Variants in SDK1 observed in about 807,000 individuals in gnomAD.
SDK1 encodes the protein sidekick cell adhesion molecule 1, also known as protein sidekick-1.
In SDK1, 157 loss-of-function variants were observed where a neutral mutation model predicts 245.5. The observed-to-expected ratio is 0.64, with a 90% CI of 0.56 to 0.73. The LOEUF (loss-of-function observed/expected upper bound fraction) is 0.73. Among genes scored for constraint, SDK1 ranks in the 30% least tolerant of loss-of-function variants. SDK1 has a pLI of 0.00. For synonymous variants in SDK1, 1,647 were observed against 1,278.5 expected, an observed-to-expected ratio of 1.29 and a Z score of -6.15; for missense variants, 3,583 against 3,002.3, an observed-to-expected ratio of 1.19 and a Z score of -4.52.
chr7:3,382,190 C>G (rs576417712), intron 1 of SDK1, among the ~76,000 whole-genome samples: 49 of 151,782 alleles, frequency 3.2e-4, no homozygotes, highest in Middle Eastern at 3.4e-3. Context: ...AGGCTGGTCT[C>G]CAACTCCTGG....
At position 4,267,500 on chromosome 7, in the gene SDK1, C is replaced by T. The variant is rs1562499054; in HGVS notation, c.*2116C>T. On this transcript the variant is annotated 3_prime_UTR_variant, in exon 45 of 45. Transcript: ENST00000404826. ...CAGTGCCACCTCCTTCCCCTCGGCC[C>T]CGGAGAGGGCGAAGTGGGCGGGAAG... is the stretch of plus-strand genomic sequence containing the variant. The T allele has an allele frequency of 4.1e-6, 4 of 985,436 alleles. No individual in the cohort carries two copies. The South Asian group carries it at 1.4e-4, about 35-fold the overall frequency. 61.0% of individuals were successfully genotyped at this position (985,436 alleles called of 1,614,324 possible).
chr7:4,234,313 G>A (rs1189244213), intron 41 of SDK1, among the ~76,000 whole-genome samples: 1 of 152,108 alleles, frequency 6.6e-6, no homozygotes, highest in African/African-American at 2.4e-5. Flanking sequence ...CCTGGGTCCA[G>A]GTCCAGGTCT....
chr7:4,207,976 C>T (rs1784318270), intron 36 of SDK1, 123 bp from the exon 37 acceptor site: 1 of 726,002 alleles, frequency 1.4e-6, no homozygotes, highest in Non-Finnish European at 2.3e-6. Flanking sequence ...TTTCCACCTT[C>T]CCACCCAGCA....
chr7:4,041,109 A>C (rs919034861), intron 17 of SDK1, among the ~76,000 whole-genome samples: 1 of 152,146 alleles, frequency 6.6e-6, no homozygotes. Flanking sequence ...CAGACAAACA[A>C]ATTCACAGAT....
intron 1 of SDK1, among the ~76,000 whole-genome samples, chr7:3,445,634 A>C (rs922670181): frequency 2.0e-5 from 3 of 152,166 alleles, no homozygotes; most frequent in Admixed American, 1.3e-4. Context: ...GAAAACTGAC[A>C]TTGGTACAAT....
At chr7:3,825,075 G>A (rs1779737133) in intron 5 of SDK1, among the ~76,000 whole-genome samples, 1 of 152,076 alleles carries the variant, frequency 6.6e-6, no homozygotes, top group African/African-American at 2.4e-5. Context: ...GGACATAGGT[G>A]GGACTGTTGA....
chr7:3,815,426 G>A (rs1232967603), intron 4 of SDK1, among the ~76,000 whole-genome samples: 1 of 147,120 alleles, frequency 6.8e-6, no homozygotes. Context: ...TTATTGATTT[G>A]CGTATATTGA....
intron 5 of SDK1, among the ~76,000 whole-genome samples, chr7:3,950,196 T>C (rs900318471): frequency 6.6e-6 from 1 of 152,226 alleles, no homozygotes; most frequent in African/African-American, 2.4e-5. Flanking sequence ...GGATTGTGCC[T>C]GAGGACACTG....
At chr7:3,550,565 T>G (rs1779369175) in intron 1 of SDK1, among the ~76,000 whole-genome samples, 2 of 152,204 alleles carry the variant, frequency 1.3e-5, no homozygotes, top group Non-Finnish European at 2.9e-5. Context: ...TTTGCCTATT[T>G]ATCATATCTT....
At chr7:3,830,367 A>G (rs77573444) in intron 5 of SDK1, among the ~76,000 whole-genome samples, 2,470 of 152,290 alleles carry the variant, frequency 0.016, 76 homozygotes, top group African/African-American at 0.055. Context: ...AATTCCTCCA[A>G]TCTACCTTCC....
intron 5 of SDK1, among the ~76,000 whole-genome samples, chr7:3,929,846 G>A (rs1303567064): frequency 6.6e-6 from 1 of 152,172 alleles, no homozygotes; most frequent in Non-Finnish European, 1.5e-5. Flanking sequence ...AAGGAAGCTG[G>A]CTCACAGTCA....
rs573819222 is a variant in SDK1, at chr7:4,088,393, A to G, written c.3324+8809A>G. Among the ~76,000 whole-genome samples, 9 of 152,308 alleles carry G rather than the reference A, an allele frequency of 5.9e-5. No homozygotes were observed. In the South Asian group the frequency reaches 1.7e-3, roughly 28 times the overall value. ...GTCTTCTATCATATCGAATTGGGAC[A>G]ATGATAGAAGACAATCTTTGTTTTG... On this transcript the variant is annotated intron_variant, in intron 22 of 44. Transcript: ENST00000404826.
intron 5 of SDK1, among the ~76,000 whole-genome samples, chr7:3,949,383 G>A (rs1195401823): frequency 6.6e-6 from 1 of 152,236 alleles, no homozygotes; most frequent in East Asian, 1.9e-4. Context: ...AGAGCACAGA[G>A]CTGTGGGAAA....
chr7:3,791,503 G>C (rs186708857), intron 4 of SDK1, among the ~76,000 whole-genome samples: 10 of 152,212 alleles, frequency 6.6e-5, no homozygotes, highest in Admixed American at 2.6e-4. Flanking sequence ...AAAATAGCAC[G>C]ATGCTGCAGA....
intron 4 of SDK1, among the ~76,000 whole-genome samples, chr7:3,816,644 C>G (rs999717815): frequency 2.0e-5 from 3 of 152,058 alleles, no homozygotes. Context: ...CAGATGGATT[C>G]ACAGCCGAAT....
chr7:3,476,162 G>A (rs749849443), intron 1 of SDK1: 2 of 152,528 alleles, frequency 1.3e-5, no homozygotes, highest in African/African-American at 2.4e-5. Flanking sequence ...GTTTTGGAGA[G>A]CTTCCTAAAA....
chr7:3,984,646 C>T (rs1256399723), intron 13 of SDK1, among the ~76,000 whole-genome samples: 2 of 152,180 alleles, frequency 1.3e-5, no homozygotes, highest in East Asian at 3.9e-4. Context: ...GCTGTACAAC[C>T]CTCTCCTGCC....
chr7:4,038,678 A>G (rs894824151), intron 17 of SDK1, among the ~76,000 whole-genome samples: 17 of 152,226 alleles, frequency 1.1e-4, no homozygotes, highest in African/African-American at 3.9e-4. Flanking sequence ...CTGCAATTGC[A>G]GGAGGAATTT....
chr7:3,545,699 A>T (rs957839206), intron 1 of SDK1, among the ~76,000 whole-genome samples: 4 of 152,186 alleles, frequency 2.6e-5, no homozygotes, highest in Admixed American at 1.3e-4. Context: ...ACCAGGCCAG[A>T]GCTGGGCACA....
Sources: allele counts gnomAD v4.1 joint callset (sites outside exome capture counted in the v4.1 genomes callset), GRCh38; gene constraint gnomAD v4.1.1; transcripts MANE v1.5; gene names NCBI Gene and HGNC (gene_info 2026-07-23, HGNC 2026-07-21).